MBNL2: variants seen among roughly 807,000 people sequenced by gnomAD.
MBNL2 encodes muscleblind like splicing regulator 2, also known as muscleblind-like protein 2.
In MBNL2, 17 loss-of-function variants were observed where a neutral mutation model predicts 41.9. The observed-to-expected ratio is 0.41, with a 90% CI of 0.28 to 0.61. The LOEUF (loss-of-function observed/expected upper bound fraction) is 0.61. MBNL2 is among the 20% of genes least tolerant of loss of function. The pLI, the probability that MBNL2 is intolerant of heterozygous loss-of-function variation, is 0.35. For synonymous variants in MBNL2, 195 were observed against 182.9 expected (o/e 1.07, Z -0.53); for missense variants, 336 against 505.6 (o/e 0.66, Z 3.22).
intron 2 of MBNL2, among the ~76,000 whole-genome samples, chr13:97,331,720 G>A (rs2060456580): frequency 6.6e-6 from 1 of 152,136 alleles, no homozygotes; most frequent in South Asian, 2.1e-4. Flanking sequence ...GAGAAAATGA[G>A]ATGACCATAT....
the MBNL2 span, among the ~76,000 whole-genome samples, chr13:97,151,376 A>T: frequency 6.6e-6 from 1 of 152,156 alleles, no homozygotes; most frequent in Non-Finnish European, 1.5e-5. Flanking sequence ...GCAGATGATG[A>T]CAAGTATATT....
chr13:97,203,551 G>A, the MBNL2 span, among the ~76,000 whole-genome samples: 5 of 152,162 alleles, frequency 3.3e-5, no homozygotes, highest in South Asian at 6.2e-4. Context: ...CTGCGCTCAC[G>A]GGTAACTCTA....
chr13:97,215,231 A>G, the MBNL2 span, among the ~76,000 whole-genome samples: 2 of 152,230 alleles, frequency 1.3e-5, no homozygotes, highest in Non-Finnish European at 2.9e-5. Context: ...ACAATGAGAC[A>G]GTTAACATTG....
At chr13:97,298,165 C>T (rs929857909) in intron 2 of MBNL2, among the ~76,000 whole-genome samples, 1 of 151,220 alleles carries the variant, frequency 6.6e-6, no homozygotes, top group African/African-American at 2.4e-5. Flanking sequence ...TACCCTAAAA[C>T]TTGAAGTATA....
At chr13:97,289,447 G>A (rs1467844727) in intron 2 of MBNL2, among the ~76,000 whole-genome samples, 2 of 152,148 alleles carry the variant, frequency 1.3e-5, no homozygotes, top group African/African-American at 4.8e-5. Context: ...AAATCATATG[G>A]CCTTTCCCCC....
At chr13:97,276,910 C>A (rs984316347) in intron 2 of MBNL2, among the ~76,000 whole-genome samples, 1 of 151,788 alleles carries the variant, frequency 6.6e-6, no homozygotes, top group African/African-American at 2.4e-5. Flanking sequence ...GCTCAATACT[C>A]AATACTTGAG....
At chr13:97,152,489 A>G in the MBNL2 span, among the ~76,000 whole-genome samples, 1 of 152,198 alleles carries the variant, frequency 6.6e-6, no homozygotes, top group Non-Finnish European at 1.5e-5. Context: ...CCCCAAGCAC[A>G]TCATTCTTAA....
At chr13:97,174,491 AGAG>A in the MBNL2 span, among the ~76,000 whole-genome samples, 1 of 152,266 alleles carries the variant, frequency 6.6e-6, no homozygotes, top group Non-Finnish European at 1.5e-5. Context: ...GAAGATAAAA[AGAG>A]GATGGATAAG....
chr13:97,363,742 G>A (rs913071083), intron 7 of MBNL2, among the ~76,000 whole-genome samples: 2 of 152,118 alleles, frequency 1.3e-5, no homozygotes, highest in Non-Finnish European at 2.9e-5. Context: ...AATAGGGCTG[G>A]AGAAAGGTTT....
the MBNL2 span, among the ~76,000 whole-genome samples, chr13:97,155,332 C>A: frequency 6.6e-6 from 1 of 151,304 alleles, no homozygotes; most frequent in Non-Finnish European, 1.5e-5. Flanking sequence ...TCATACTCAC[C>A]CTTGTGTAAT....
the MBNL2 span, among the ~76,000 whole-genome samples, chr13:97,150,721 G>T: frequency 6.6e-6 from 1 of 152,136 alleles, no homozygotes; most frequent in African/African-American, 2.4e-5. Flanking sequence ...TGCCCAGGTT[G>T]ATCTCAAACT....
chr13:97,390,457 G>A (rs915569528), intron 8 of MBNL2, among the ~76,000 whole-genome samples: 6 of 152,216 alleles, frequency 3.9e-5, no homozygotes, highest in East Asian at 1.9e-4. Flanking sequence ...ATGAATAAAC[G>A]CTTTGCTTAT....
chr13:97,252,472 G>T (rs2046758778), intron 1 of MBNL2, among the ~76,000 whole-genome samples: 1 of 152,098 alleles, frequency 6.6e-6, no homozygotes, highest in Non-Finnish European at 1.5e-5. Flanking sequence ...AATTAATTTA[G>T]TAAGAACTAA....
chr13:97,347,251 C>G (rs985837393), intron 5 of MBNL2, among the ~76,000 whole-genome samples, 184 bp downstream of exon 5: 1 of 152,192 alleles, frequency 6.6e-6, no homozygotes, highest in Non-Finnish European at 1.5e-5. Context: ...CCTCCTGCCC[C>G]CCTTCAGCAC....
At chr13:97,238,231 T>C (rs1260040887) in intron 1 of MBNL2, among the ~76,000 whole-genome samples, 1 of 152,098 alleles carries the variant, frequency 6.6e-6, no homozygotes, top group African/African-American at 2.4e-5. Context: ...GGAATTGAGA[T>C]AGCAAAGAAA....
At chr13:97,204,657 G>A in the MBNL2 span, among the ~76,000 whole-genome samples, 34 of 152,292 alleles carry the variant, frequency 2.2e-4, no homozygotes, top group Middle Eastern at 3.4e-3. Flanking sequence ...ACTAAATGAT[G>A]TATAGACTTA....
chr13:97,161,989 C>T, the MBNL2 span, among the ~76,000 whole-genome samples: 1 of 152,174 alleles, frequency 6.6e-6, no homozygotes. Flanking sequence ...GTTTAATTGG[C>T]TCGTGGTTCC....
intron 3 of MBNL2, among the ~76,000 whole-genome samples, chr13:97,340,244 T>G (rs148248976): frequency 5.3e-5 from 8 of 152,300 alleles, no homozygotes; most frequent in Admixed American, 2.0e-4. Flanking sequence ...TTTTAACTAA[T>G]CAACTTCAAT....
chr13:97,162,147 C>T, the MBNL2 span, among the ~76,000 whole-genome samples: 1 of 152,106 alleles, frequency 6.6e-6, no homozygotes, highest in Non-Finnish European at 1.5e-5. Flanking sequence ...TGATAACTCA[C>T]TCACTCTCAC....
Sources: gnomAD v4.1 joint callset for allele counts (sites outside exome capture counted in the v4.1 genomes callset) on GRCh38, gnomAD v4.1.1 for gene constraint, MANE v1.5 for transcripts, NCBI Gene and HGNC (gene_info 2026-07-23, HGNC 2026-07-21) for gene names.